CPQ: variants seen among roughly 807,000 people sequenced by gnomAD.
CPQ encodes the protein carboxypeptidase Q, also known as Ser-Met dipeptidase.
Under a neutral mutation model 45.7 loss-of-function variants are expected in CPQ, and 37 were observed. The ratio of observed to expected loss-of-function variants is 0.81; its 90% confidence interval spans 0.62 to 1.07. The LOEUF is 1.07. Among genes scored for constraint, CPQ ranks in the 50% least tolerant of loss-of-function variants. The probability of loss-of-function intolerance (pLI) is 0.00; values close to 1 mark genes in which losing one functional copy is unlikely to be tolerated. For missense variants in CPQ, 537 were observed against 572.9 expected, an observed-to-expected ratio of 0.94 and a Z score of 0.64; for synonymous variants, 186 against 205.8, an observed-to-expected ratio of 0.90 and a Z score of 0.82.
intron 6 of CPQ, among the ~76,000 whole-genome samples, chr8:97,046,762 T>C (rs890313933): frequency 1.3e-5 from 2 of 152,234 alleles, no homozygotes; most frequent in African/African-American, 4.8e-5. Flanking sequence ...CTGCCCTCAC[T>C]GCCATAGCTG....
Position 96,723,694 on chromosome 8 carries a change from G to A in CPQ, c.-34-61170G>A, listed in dbSNP as rs115798596. Among the ~76,000 whole-genome samples the A allele has an allele frequency of 3.5e-3, 531 of 152,124 alleles. 5 individuals are homozygous for A. The highest frequency in any genetic ancestry group is 0.012 in the African/African-American group (495 of 41,496). ...GAACCACAGATTTTAGAACTCAAAG[G>A]GAATTTAGAGACCATGTACTCTAAT... is the stretch of plus-strand genomic sequence containing the variant. On this transcript the variant is annotated intron_variant, in intron 1 of 7. Transcript: ENST00000220763.
chr8:97,121,636 A>T (rs898401645), intron 7 of CPQ, among the ~76,000 whole-genome samples: 4 of 152,182 alleles, frequency 2.6e-5, no homozygotes, highest in African/African-American at 9.6e-5. Context: ...ATTACTAGAC[A>T]TGTAAAGAAG....
At chr8:97,103,928 C>A (rs959853577) in intron 7 of CPQ, among the ~76,000 whole-genome samples, 2 of 152,142 alleles carry the variant, frequency 1.3e-5, no homozygotes, top group African/African-American at 4.8e-5. Flanking sequence ...GCTGAGAAAG[C>A]CCTGGGGAGA....
At chr8:96,743,650 T>G (rs1810128806) in intron 1 of CPQ, among the ~76,000 whole-genome samples, 1 of 152,140 alleles carries the variant, frequency 6.6e-6, no homozygotes, top group Non-Finnish European at 1.5e-5. Context: ...ACAGATGGGT[T>G]TTTGGTGTGG....
intron 4 of CPQ, among the ~76,000 whole-genome samples, chr8:96,933,212 T>C (rs1812997129): frequency 1.3e-5 from 2 of 152,184 alleles, no homozygotes; most frequent in South Asian, 2.1e-4. Context: ...TGGCTTTCAG[T>C]AGGCCCCAGC....
intron 1 of CPQ, among the ~76,000 whole-genome samples, chr8:96,648,268 G>A (rs547347041): frequency 1.7e-4 from 26 of 152,260 alleles, no homozygotes; most frequent in African/African-American, 5.8e-4. Flanking sequence ...CCGAAGGCTG[G>A]TGTGATGGAA....
chr8:96,990,507 G>T (rs1325288697), intron 5 of CPQ, among the ~76,000 whole-genome samples: 1 of 152,138 alleles, frequency 6.6e-6, no homozygotes, highest in Non-Finnish European at 1.5e-5. Flanking sequence ...GTAAAAGAAG[G>T]GACAGGGATG....
intron 4 of CPQ, among the ~76,000 whole-genome samples, chr8:96,887,750 T>C (rs574183717): frequency 6.6e-6 from 1 of 152,348 alleles, no homozygotes; most frequent in South Asian, 2.1e-4. Flanking sequence ...CTGAAGTTAT[T>C]GTATGGAAAG....
chr8:97,063,171 T>G (rs1810580362), intron 6 of CPQ, among the ~76,000 whole-genome samples: 1 of 152,214 alleles, frequency 6.6e-6, no homozygotes, highest in African/African-American at 2.4e-5. Flanking sequence ...TAGTTGCCAT[T>G]CTGACTGGTG....
At chr8:96,696,520 A>C (rs1265469744) in intron 1 of CPQ, among the ~76,000 whole-genome samples, 1 of 152,104 alleles carries the variant, frequency 6.6e-6, no homozygotes, top group African/African-American at 2.4e-5. Flanking sequence ...TAAATAATAA[A>C]GATCAGAGCA....
chr8:97,084,988 A>AT (rs1166868128), intron 7 of CPQ, among the ~76,000 whole-genome samples: 2 of 151,174 alleles, frequency 1.3e-5, no homozygotes, highest in African/African-American at 4.9e-5. Context: ...CTTCTGCTGG[A>AT]TTTTTTTTCT....
At chr8:96,771,580 A>G (rs1810544093) in intron 1 of CPQ, among the ~76,000 whole-genome samples, 1 of 152,128 alleles carries the variant, frequency 6.6e-6, no homozygotes, top group Admixed American at 6.6e-5. Flanking sequence ...GCAGGGTAGT[A>G]TGTTAGGTGC....
chr8:96,736,961 T>G (rs553757293), intron 1 of CPQ, among the ~76,000 whole-genome samples: 55 of 152,198 alleles, frequency 3.6e-4, no homozygotes, highest in African/African-American at 1.1e-3. Context: ...GTTGTGTCCC[T>G]TTTTGATTCA....
At chr8:96,674,339 C>G (rs117169401) in intron 1 of CPQ, among the ~76,000 whole-genome samples, 7,570 of 152,180 alleles carry the variant, frequency 0.05, 250 homozygotes, top group Middle Eastern at 0.12. Context: ...TAAATACGCT[C>G]ATTTACATCT....
Position 96,786,123 on chromosome 8 carries a change from T to C in CPQ, c.433+793T>C, listed in dbSNP as rs561788384. Among the ~76,000 whole-genome samples, 9 of 152,266 alleles carry C rather than the reference T, an allele frequency of 5.9e-5. No individual in the cohort carries two copies. The East Asian group carries it at 1.7e-3, about 29-fold the overall frequency. Reference sequence around the variant, plus strand: ...TTGTGCAGCCACCACAATCTAATTATAGAACATCTTCATCACCACAAAAAG... The same window carrying C: ...TTGTGCAGCCACCACAATCTAATTACAGAACATCTTCATCACCACAAAAAG... On this transcript the variant is annotated intron_variant, in intron 2 of 7. Coordinates refer to ENST00000220763, the MANE Select transcript of CPQ (RefSeq NM_016134.4).
rs532370333 is a variant in CPQ, at chr8:96,740,091, T to C, written c.-34-44773T>C. Reference sequence around the variant, plus strand: ...TCATGATATTGATTCTTCCTACCCATGAGCATGGAATGTTCTTCCATTTGT... The same window carrying C: ...TCATGATATTGATTCTTCCTACCCACGAGCATGGAATGTTCTTCCATTTGT... On this transcript the variant is annotated intron_variant, in intron 1 of 7. Transcript: ENST00000220763. Among the ~76,000 whole-genome samples, 3 of 152,202 alleles carry C rather than the reference T, an allele frequency of 2.0e-5. No homozygotes were observed. In the South Asian group the frequency reaches 6.2e-4, roughly 32 times the overall value.
chr8:96,857,613 C>T (rs1811867680), intron 3 of CPQ, among the ~76,000 whole-genome samples: 1 of 152,178 alleles, frequency 6.6e-6, no homozygotes, highest in Non-Finnish European at 1.5e-5. Flanking sequence ...CTGCTGTACA[C>T]ATTGCAGCCA....
At chr8:96,966,982 C>T in intron 5 of CPQ, among the ~76,000 whole-genome samples, 1 of 152,170 alleles carries the variant, frequency 6.6e-6, no homozygotes, top group Admixed American at 6.5e-5. Context: ...ATTTCAACAT[C>T]TAATTTTAGA....
chr8:97,110,457 T>G (rs931586332), intron 7 of CPQ, among the ~76,000 whole-genome samples: 1 of 152,222 alleles, frequency 6.6e-6, no homozygotes, highest in Non-Finnish European at 1.5e-5. Context: ...CAAGTTTTAT[T>G]TTCTTTCTTG....
Sources: gnomAD v4.1 joint callset for allele counts (sites outside exome capture counted in the v4.1 genomes callset) on GRCh38, gnomAD v4.1.1 for gene constraint, MANE v1.5 for transcripts, NCBI Gene and HGNC (gene_info 2026-07-23, HGNC 2026-07-21) for gene names.